Variants in DPY19L4 observed in about 807,000 individuals in gnomAD.
DPY19L4 encodes probable C-mannosyltransferase DPY19L4.
Under a neutral mutation model 102.8 loss-of-function variants are expected in DPY19L4, and 97 were observed. The ratio of observed to expected loss-of-function variants is 0.94; its 90% CI spans 0.80 to 1.12. The LOEUF is 1.12. Among genes scored for constraint, DPY19L4 ranks in the 50% most tolerant of loss-of-function variants. DPY19L4 has a pLI of 0.00. For missense variants in DPY19L4, 815 were observed against 850.4 expected (o/e 0.96, Z 0.52); for synonymous variants, 252 against 283.1 (o/e 0.89, Z 1.10).
intron 14 of DPY19L4, among the ~76,000 whole-genome samples, chr8:94,778,614 A>G (rs900343157): frequency 2.6e-5 from 4 of 151,884 alleles, no homozygotes; most frequent in Non-Finnish European, 1.5e-5. Context: ...ATAAATTTTC[A>G]TAGGGTGCTG....
At chr8:94,778,523 GTCCCCTGC>G (rs1310671863) in intron 14 of DPY19L4, among the ~76,000 whole-genome samples, 1 of 152,060 alleles carries the variant, frequency 6.6e-6, no homozygotes, top group Non-Finnish European at 1.5e-5. Context: ...TCGGCCCTCT[GTCCCCTGC>G]TCCCTCCGCT....
At position 94,789,847 on chromosome 8, in the gene DPY19L4, A is replaced by C. The variant is rs1352031701; in HGVS notation, c.2109A>C (p.Arg703Ser). 1 of 1,610,968 alleles carries C rather than the reference A, an allele frequency of 6.2e-7. No homozygotes were observed. The highest frequency in any genetic ancestry group is 1.7e-5 in the Admixed American group (1 of 59,448). ...NYSPYVNYFTRVYWNRSYFVY... is the reference protein window; with the variant it reads ...NYSPYVNYFTSVYWNRSYFVY... ...CTCCATATGTGAATTATTTCACTAG[A>C]GTATACTGGAACAGATCCTACTTTG... The change falls in exon 19 of 19, where the codon AGA becomes AGC. Residue 703 changes from arginine (R) to serine (S), a missense_variant. Physicochemically the swap from Arg to Ser is moderately radical, Grantham distance 110. Coordinates refer to ENST00000414645, the MANE Select transcript of DPY19L4 (RefSeq NM_181787.3).
chr8:94,772,285 A>G (rs1310538687), intron 13 of DPY19L4, among the ~76,000 whole-genome samples: 1 of 152,170 alleles, frequency 6.6e-6, no homozygotes, highest in Non-Finnish European at 1.5e-5. Flanking sequence ...GTCAGAATGC[A>G]ATGGTCAGAA....
chr8:94,761,172 GA>G (rs1812378998), intron 7 of DPY19L4, among the ~76,000 whole-genome samples: 1 of 152,194 alleles, frequency 6.6e-6, no homozygotes, highest in Non-Finnish European at 1.5e-5. Flanking sequence ...CTTGCTAAAT[GA>G]AAGGGTAATA....
At chr8:94,765,386 C>A in intron 9 of DPY19L4, 72 bp downstream of exon 9, 1 of 1,447,240 alleles carries the variant, frequency 6.9e-7, no homozygotes, top group Non-Finnish European at 9.4e-7. Context: ...ACTCTGTTGC[C>A]CAGGCTGGAG....
chr8:94,728,414 TA>T (rs1011967253), intron 2 of DPY19L4, among the ~76,000 whole-genome samples: 9 of 152,350 alleles, frequency 5.9e-5, no homozygotes, highest in African/African-American at 1.9e-4. Flanking sequence ...TTTTACACTC[TA>T]GAGATCTTTT....
In DPY19L4 at chr8:94,765,361, T is replaced by C. The variant is rs1481754726; in HGVS notation, c.1002+47T>C. 11 of 1,550,564 alleles carry C rather than the reference T, an allele frequency of 7.1e-6. No homozygotes were observed. In the Admixed American group the frequency reaches 1.0e-4, roughly 14 times the overall value. On this transcript the variant is annotated intron_variant, in intron 9 of 18. Coordinates refer to ENST00000414645, the MANE Select transcript of DPY19L4 (RefSeq NM_181787.3). ...TTGTTCTTATTTTGATTTTTTTTTT[T>C]TGAAGTGGAGTCTCACTCTGTTGCC...
chr8:94,783,946 TTTTTAA>T (rs1813543760), intron 17 of DPY19L4, 144 bp downstream of exon 17: 2 of 962,182 alleles, frequency 2.1e-6, no homozygotes, highest in African/African-American at 3.3e-5. Context: ...TTAAAAAACC[TTTTTAA>T]TTAATAATAC....
chr8:94,765,705 C>T lies in DPY19L4; in HGVS notation c.1003-6C>T. The T allele has an allele frequency of 6.3e-7, 1 of 1,582,038 alleles. No homozygotes were observed. Among genetic ancestry groups the T allele is most frequent in the African/African-American group, 1.4e-5 (1 of 73,814 alleles). ...CTTCTTTGTTCATATGATTTTTCCTCCACAGCTGAATGTGAAGAAAGGAAG... is the reference window on the plus strand; with the variant it reads ...CTTCTTTGTTCATATGATTTTTCCTTCACAGCTGAATGTGAAGAAAGGAAG... On this transcript the variant is annotated splice_polypyrimidine_tract_variant and splice_region_variant and intron_variant, in intron 9 of 18. Transcript: ENST00000414645.
chr8:94,759,456 C>T (rs542707620), intron 7 of DPY19L4, among the ~76,000 whole-genome samples: 8 of 150,266 alleles, frequency 5.3e-5, no homozygotes, highest in African/African-American at 9.8e-5. Flanking sequence ...CTCTCAAAAG[C>T]GCTGAGATTA....
intron 12 of DPY19L4, among the ~76,000 whole-genome samples, chr8:94,768,866 A>G (rs1459062825): frequency 6.6e-6 from 1 of 151,602 alleles, no homozygotes; most frequent in Non-Finnish European, 1.5e-5. Context: ...ATGGGTGCCC[A>G]TCTAATAATA....
intron 8 of DPY19L4, among the ~76,000 whole-genome samples, chr8:94,764,719 T>A (rs554321016): frequency 9.8e-3 from 579 of 59,110 alleles, no homozygotes; most frequent in African/African-American, 0.015. Context: ...ATATATATAT[T>A]TTTTTTTTTT....
At chr8:94,733,952 T>G (rs994764070) in intron 2 of DPY19L4, among the ~76,000 whole-genome samples, 1 of 152,214 alleles carries the variant, frequency 6.6e-6, no homozygotes, top group Non-Finnish European at 1.5e-5. Context: ...ACATTTTACA[T>G]TAGTATGGTA....
chr8:94,762,218 C>T (rs1446963606), intron 8 of DPY19L4, among the ~76,000 whole-genome samples: 2 of 152,118 alleles, frequency 1.3e-5, no homozygotes, highest in African/African-American at 2.4e-5. Context: ...GAGACCCAGG[C>T]GTCTGAGGAT....
intron 14 of DPY19L4, among the ~76,000 whole-genome samples, chr8:94,779,231 AC>A (rs1813322765): frequency 2.0e-5 from 3 of 150,640 alleles, no homozygotes; most frequent in Non-Finnish European, 3.0e-5. Flanking sequence ...AAAAAAAAAA[AC>A]CAAGGCTTTA....
intron 6 of DPY19L4, among the ~76,000 whole-genome samples, chr8:94,743,229 A>T (rs1256581810): frequency 6.6e-6 from 1 of 150,480 alleles, no homozygotes; most frequent in East Asian, 2.0e-4. Flanking sequence ...GGGTTTTGCC[A>T]TGTTGGCCCA....
chr8:94,764,593 G>T (rs1385139881), intron 8 of DPY19L4, among the ~76,000 whole-genome samples: 10 of 116,764 alleles, frequency 8.6e-5, no homozygotes, highest in African/African-American at 3.4e-4. Flanking sequence ...AAAAAAAAAA[G>T]AAAACAGTGA....
intron 6 of DPY19L4, among the ~76,000 whole-genome samples, chr8:94,746,563 T>C (rs937181818): frequency 2.0e-5 from 3 of 152,326 alleles, no homozygotes. Flanking sequence ...CTTAGACATA[T>C]GTCATCTAAC....
At chr8:94,736,669 T>C (rs1222166825) in intron 3 of DPY19L4, among the ~76,000 whole-genome samples, 5 of 152,310 alleles carry the variant, frequency 3.3e-5, no homozygotes, top group African/African-American at 9.6e-5. Flanking sequence ...ACTATTATAT[T>C]CTTAGTTCTA....
Sources: gnomAD v4.1 joint callset for allele counts (sites outside exome capture counted in the v4.1 genomes callset) on GRCh38, gnomAD v4.1.1 for gene constraint, MANE v1.5 for transcripts, NCBI Gene and HGNC (gene_info 2026-07-23, HGNC 2026-07-21) for gene names.